TIMP4: variants seen among roughly 807,000 people sequenced by gnomAD.
The protein encoded by TIMP4 is metalloproteinase inhibitor 4.
In TIMP4, 28 loss-of-function variants were observed where a neutral mutation model predicts 27.3. The ratio of observed to expected loss-of-function variants is 1.03; its 90% confidence interval spans 0.76 to 1.41. The LOEUF (loss-of-function observed/expected upper bound fraction) is 1.41, where lower values mean the gene tolerates loss of function less well. Among genes scored for constraint, TIMP4 ranks in the 40% most tolerant of loss-of-function variants. The pLI, the probability that TIMP4 is intolerant of heterozygous loss-of-function variation, is 0.00. For synonymous variants in TIMP4, 138 were observed against 115.5 expected, an observed-to-expected ratio of 1.20 and a Z score of -1.25; for missense variants, 307 against 285.5, an observed-to-expected ratio of 1.08 and a Z score of -0.54.
At position 12,154,309 on chromosome 3, in the gene TIMP4, A is replaced by G; in HGVS notation, c.477+18T>C. 6.2e-7 allele frequency: 1 copy of G among 1,614,208 alleles called. No homozygotes were observed. The highest frequency in any genetic ancestry group is 8.5e-7 in the Non-Finnish European group (1 of 1,180,016). On this transcript the variant is annotated intron_variant, in intron 4 of 4. Coordinates refer to ENST00000287814, the MANE Select transcript of TIMP4 (RefSeq NM_003256.4). Reference sequence around the variant, plus strand: ...CTTCCCCCATCCCTAAAGACTTTGGAAATGGACATTCCCTTACTTGGCAGC... The same window carrying G: ...CTTCCCCCATCCCTAAAGACTTTGGGAATGGACATTCCCTTACTTGGCAGC...
chr3:12,154,287 C>T (rs1244538042), intron 4 of TIMP4, 40 bp downstream of exon 4: 2 of 1,613,522 alleles, frequency 1.2e-6, no homozygotes, highest in Admixed American at 1.7e-5. Flanking sequence ...CAGAACCCTT[C>T]CCCCATCCCT....
rs940446737 is a variant in TIMP4, at chr3:12,153,328, A to G, written c.*187T>C. ...TAATGGGGTTTGGGAGGCAGGGGCAACAGGCTGAGGGCAGGGCAGAAAAGT... is the reference window on the plus strand; with the variant it reads ...TAATGGGGTTTGGGAGGCAGGGGCAGCAGGCTGAGGGCAGGGCAGAAAAGT... On this transcript the variant is annotated 3_prime_UTR_variant, in exon 5 of 5. Transcript: ENST00000287814. The G allele has an allele frequency of 7.7e-6, 5 of 649,446 alleles. No individual in the cohort carries two copies. Among genetic ancestry groups the G allele is most frequent in the East Asian group, 2.7e-5 (1 of 36,696 alleles). 40.2% of individuals were successfully genotyped at this position (649,446 alleles called of 1,614,324 possible).
At chr3:12,158,009 C>G (rs1200137555) in intron 1 of TIMP4, among the ~76,000 whole-genome samples, 1 of 152,202 alleles carries the variant, frequency 6.6e-6, no homozygotes, top group African/African-American at 2.4e-5. Flanking sequence ...CCTGGCCTTG[C>G]ACTAGGCACT....
intron 1 of TIMP4, 181 bp downstream of exon 1, chr3:12,158,521 G>T: frequency 1.2e-6 from 1 of 815,760 alleles, no homozygotes; most frequent in South Asian, 1.8e-5. Context: ...GAATCAGTCA[G>T]GTTCTGGGCT....
Position 12,158,756 on chromosome 3 carries a change from C to T in TIMP4, c.85G>A (p.Ala29Thr), listed in dbSNP as rs751613583. The change falls in exon 1 of 5, where the codon GCA becomes ACA. Residue 29 changes from alanine to threonine, a missense_variant. By Grantham distance (58) the Ala-to-Thr change is moderately conservative. Transcript: ENST00000287814. ...GGGTGCGCCGGGGCGCAGCTGCATGCCTCACCCAGCCCCGGGGGCCGCAGC... is the reference window on the plus strand; with the variant it reads ...GGGTGCGCCGGGGCGCAGCTGCATGTCTCACCCAGCCCCGGGGGCCGCAGC... ...ALLRPPGLGEACSCAPAHPQQ... is the reference protein window; with the variant it reads ...ALLRPPGLGETCSCAPAHPQQ... 48 of 1,607,452 alleles carry T rather than the reference C, an allele frequency of 3.0e-5. No homozygotes were observed. The highest frequency in any genetic ancestry group is 3.9e-5 in the Non-Finnish European group (46 of 1,179,352).
intron 1 of TIMP4, 117 bp from the exon 2 acceptor site, chr3:12,157,599 G>C: frequency 1.1e-6 from 1 of 946,056 alleles, no homozygotes; most frequent in African/African-American, 1.6e-5. Context: ...TTTTGGTGTG[G>C]CTGGGTTGTG....
rs143470909 is a variant in TIMP4 at position 12,158,770 on chromosome 3, G to T, written c.71C>A (p.Pro24Gln). 6.9e-6 allele frequency: 11 copies of T among 1,604,970 alleles called. No individual in the cohort carries two copies. In the East Asian group the frequency reaches 2.2e-4, roughly 33 times the overall value. ...GCAGCTGCATGCCTCACCCAGCCCC[G>T]GGGGCCGCAGCAACGCCAGCAGCCG... ...LLRLLALLRP[P>Q]GLGEACSCAP... Residue 24 changes from proline (P) to glutamine (Q), a missense_variant, in exon 1 of 5, where the codon CCG becomes CAG. Pro to Gln is a moderately conservative substitution (Grantham distance 76, BLOSUM62 -1). Coordinates refer to ENST00000287814, the MANE Select transcript of TIMP4 (RefSeq NM_003256.4).
Position 12,154,594 on chromosome 3 carries a change from A to G in TIMP4, c.353-143T>C, listed in dbSNP as rs189676684. On this transcript the variant is annotated intron_variant, in intron 3 of 4. Coordinates refer to ENST00000287814, the MANE Select transcript of TIMP4 (RefSeq NM_003256.4). ...GGCATGGGGCTCAGTGAAGGGACCAATAAATAAAACTACTATAATCTTTCT... is the reference window on the plus strand; with the variant it reads ...GGCATGGGGCTCAGTGAAGGGACCAGTAAATAAAACTACTATAATCTTTCT... The G allele has an allele frequency of 1.5e-4, 125 of 808,362 alleles. No individual in the cohort carries two copies. The East Asian group carries it at 3.3e-3, about 21-fold the overall frequency. The allele number at this position is 808,362 out of a possible 1,614,324, so 50.1% of individuals were successfully genotyped here.
Position 12,158,748 on chromosome 3 carries a change from G to A in TIMP4, c.93C>T (p.Ser31=), listed in dbSNP as rs750590094. 4 of 1,608,514 alleles carry A rather than the reference G, an allele frequency of 2.5e-6. No homozygotes were observed. The Admixed American group carries it at 6.7e-5, about 27-fold the overall frequency. ...GCTGCTGAGGGTGCGCCGGGGCGCAGCTGCATGCCTCACCCAGCCCCGGGG... is the reference window on the plus strand; with the variant it reads ...GCTGCTGAGGGTGCGCCGGGGCGCAACTGCATGCCTCACCCAGCCCCGGGG... ...LRPPGLGEAC[S]CAPAHPQQHI... is the part of the protein sequence containing the mutation. Residue 31 remains serine, a synonymous_variant, in exon 1 of 5, where the codon AGC becomes AGT. Coordinates refer to ENST00000287814, the MANE Select transcript of TIMP4 (RefSeq NM_003256.4).
intron 2 of TIMP4, 27 bp from the exon 3 acceptor site, chr3:12,156,961 A>G (rs1001795055): frequency 1.1e-5 from 17 of 1,540,534 alleles, no homozygotes; most frequent in Non-Finnish European, 1.4e-5. Context: ...AAAAAAGGCA[A>G]TATTGGGTCA....
intron 3 of TIMP4, among the ~76,000 whole-genome samples, chr3:12,154,869 GT>G (rs11286418): frequency 0.69 from 104,921 of 152,046 alleles, 37,208 homozygotes; most frequent in Middle Eastern, 0.79. Flanking sequence ...TCCCAGCACA[GT>G]TGTGGTCCCA....
intron 1 of TIMP4, among the ~76,000 whole-genome samples, chr3:12,158,030 A>G (rs747679605): frequency 1.6e-4 from 25 of 152,092 alleles, no homozygotes; most frequent in Non-Finnish European, 2.6e-4. Context: ...AGGCCCATAG[A>G]TGTGATTAAG....
chr3:12,157,468 T>C lies in TIMP4; in HGVS notation c.154A>G (p.Ile52Val). Reference protein sequence around the residue: ...CHSALVIRAKISSEKVVPASA... With the variant: ...CHSALVIRAKVSSEKVVPASA... ...GCCGGAACTACCTTCTCACTGGAGATTTTGGCCCGAATCACTGCATAGGAA... is the reference window on the plus strand; with the variant it reads ...GCCGGAACTACCTTCTCACTGGAGACTTTGGCCCGAATCACTGCATAGGAA... Residue 52 changes from isoleucine to valine, a missense_variant, in exon 2 of 5, where the codon ATC becomes GTC. Coordinates refer to ENST00000287814, the MANE Select transcript of TIMP4 (RefSeq NM_003256.4). The C allele has an allele frequency of 6.2e-7, 1 of 1,614,076 alleles. No individual in the cohort carries two copies. The highest frequency in any genetic ancestry group is 8.5e-7 in the Non-Finnish European group (1 of 1,179,976).
chr3:12,155,933 C>T (rs34715480), intron 3 of TIMP4, among the ~76,000 whole-genome samples: 1 of 152,190 alleles, frequency 6.6e-6, no homozygotes, highest in African/African-American at 2.4e-5. Context: ...CCAGGAGCTC[C>T]TCAGTTCTGT....
At chr3:12,157,018 G>T in intron 2 of TIMP4, 84 bp from the exon 3 acceptor site, 1 of 970,914 alleles carries the variant, frequency 1.0e-6, no homozygotes, top group Non-Finnish European at 1.6e-6. Context: ...TCACTTCTCA[G>T]CCTAAAAATG....
chr3:12,157,629 A>C (rs1697497548), intron 1 of TIMP4, 147 bp from the exon 2 acceptor site: 8 of 700,188 alleles, frequency 1.1e-5, no homozygotes, highest in Non-Finnish European at 2.0e-5. Flanking sequence ...ATGTGTGAGA[A>C]GGGGGACCTG....
chr3:12,155,794 G>C (rs1454943266), intron 3 of TIMP4, among the ~76,000 whole-genome samples: 1 of 152,208 alleles, frequency 6.6e-6, no homozygotes, highest in Non-Finnish European at 1.5e-5. Context: ...TCCATGCCTA[G>C]CAGCGGGCTA....
chr3:12,158,518 T>C, intron 1 of TIMP4, 184 bp downstream of exon 1: 1 of 780,870 alleles, frequency 1.3e-6, no homozygotes, highest in Non-Finnish European at 2.0e-6. Flanking sequence ...TATGAATCAG[T>C]CAGGTTCTGG....
At position 12,156,948 on chromosome 3, in the gene TIMP4, AC is replaced by A. The variant is rs776102792; in HGVS notation, c.238-15del. ...CCCTTTGAACATCTGACAGGCAATT[AC>A]AAAAAAAGGCAATATTGGGTCAGTG... On this transcript the variant is annotated splice_polypyrimidine_tract_variant and intron_variant, in intron 2 of 4. Transcript: ENST00000287814. 1 of 1,599,214 alleles carries A rather than the reference AC, an allele frequency of 6.3e-7. No individual in the cohort carries two copies. Among genetic ancestry groups the A allele is most frequent in the Non-Finnish European group, 8.6e-7 (1 of 1,166,560 alleles).
Sources: allele counts gnomAD v4.1 joint callset (sites outside exome capture counted in the v4.1 genomes callset), GRCh38; gene constraint gnomAD v4.1.1; transcripts MANE v1.5; gene names NCBI Gene and HGNC (gene_info 2026-07-23, HGNC 2026-07-21).